UBE2E3: variants seen among roughly 807,000 people sequenced by gnomAD.
The protein encoded by UBE2E3 is ubiquitin conjugating enzyme E2 E3, also known as ubiquitin-conjugating enzyme E2 E3.
Under a neutral mutation model 23.6 loss-of-function variants are expected in UBE2E3, and 5 were observed. The ratio of observed to expected loss-of-function variants is 0.21; its 90% CI spans 0.11 to 0.44. The LOEUF is 0.44. UBE2E3 is among the 20% of genes least tolerant of loss of function. The pLI is 0.99. For synonymous variants in UBE2E3, 78 were observed against 87.5 expected, an observed-to-expected ratio of 0.89 and a Z score of 0.60; for missense variants, 81 against 249.8, an observed-to-expected ratio of 0.32 and a Z score of 4.55.
chr2:181,061,650 C>G (rs10177379), intron 5 of UBE2E3, among the ~76,000 whole-genome samples: 5,970 of 151,596 alleles, frequency 0.039, 179 homozygotes, highest in African/African-American at 0.074. Flanking sequence ...CAGATAAAAT[C>G]ATTTGTGTAT....
intron 3 of UBE2E3, among the ~76,000 whole-genome samples, chr2:181,051,238 T>G (rs902018457): frequency 3.9e-5 from 6 of 151,908 alleles, no homozygotes; most frequent in African/African-American, 1.2e-4. Context: ...CTCAGCATTA[T>G]TTTTGAGAGC....
chr2:180,997,626 C>G (rs909829834), intron 3 of UBE2E3, among the ~76,000 whole-genome samples: 2 of 152,118 alleles, frequency 1.3e-5, no homozygotes, highest in African/African-American at 4.8e-5. Context: ...TAGTGGTTGT[C>G]TATCAAAAGT....
At chr2:181,047,612 G>A (rs1205617310) in intron 3 of UBE2E3, among the ~76,000 whole-genome samples, 2 of 151,904 alleles carry the variant, frequency 1.3e-5, no homozygotes, top group African/African-American at 2.4e-5. Flanking sequence ...ATTTCAAAAC[G>A]TAAGTCTGGT....
At chr2:181,015,552 C>A (rs1176060919) in intron 3 of UBE2E3, among the ~76,000 whole-genome samples, 1 of 152,016 alleles carries the variant, frequency 6.6e-6, no homozygotes, top group African/African-American at 2.4e-5. Context: ...TATTAAAAGA[C>A]AGTGTCAGAA....
intron 4 of UBE2E3, among the ~76,000 whole-genome samples, chr2:181,058,268 A>G (rs1490157647): frequency 2.0e-5 from 3 of 151,812 alleles, no homozygotes; most frequent in East Asian, 1.9e-4. Context: ...CAAAAACTTC[A>G]TAGCCAAGAA....
chr2:181,044,739 C>G (rs1196593626), intron 3 of UBE2E3, among the ~76,000 whole-genome samples: 1 of 151,826 alleles, frequency 6.6e-6, no homozygotes, highest in Non-Finnish European at 1.5e-5. Flanking sequence ...TCCTAAAGTC[C>G]CTGTGAATGG....
chr2:181,015,380 G>T (rs1319712312), intron 3 of UBE2E3, among the ~76,000 whole-genome samples: 1 of 151,940 alleles, frequency 6.6e-6, no homozygotes, highest in Non-Finnish European at 1.5e-5. Flanking sequence ...AATACATCTA[G>T]AACATTTTGT....
chr2:181,017,963 T>C (rs1685548123), intron 3 of UBE2E3, among the ~76,000 whole-genome samples: 2 of 151,688 alleles, frequency 1.3e-5, no homozygotes, highest in Non-Finnish European at 2.9e-5. Context: ...GACTCTCTTT[T>C]TTCTGTATTT....
At chr2:181,012,447 G>A (rs1685359767) in intron 3 of UBE2E3, among the ~76,000 whole-genome samples, 1 of 152,164 alleles carries the variant, frequency 6.6e-6, no homozygotes, top group Admixed American at 6.5e-5. Flanking sequence ...CAAGGGATGT[G>A]TGTGGCTAGG....
intron 3 of UBE2E3, among the ~76,000 whole-genome samples, chr2:181,012,701 C>T (rs1232197078): frequency 6.6e-6 from 1 of 152,008 alleles, no homozygotes; most frequent in Non-Finnish European, 1.5e-5. Context: ...TACCCATATC[C>T]CTAGTTGTTA....
At chr2:181,036,426 G>GA (rs1202758387) in intron 3 of UBE2E3, among the ~76,000 whole-genome samples, 1 of 152,224 alleles carries the variant, frequency 6.6e-6, no homozygotes, top group South Asian at 2.1e-4. Flanking sequence ...CGTTCATGAG[G>GA]AAAAAACCTG....
chr2:181,016,365 C>T (rs1283613719), intron 3 of UBE2E3, among the ~76,000 whole-genome samples: 1 of 152,028 alleles, frequency 6.6e-6, no homozygotes, highest in Non-Finnish European at 1.5e-5. Context: ...CAGGCATGAG[C>T]CACCATGCTT....
intron 3 of UBE2E3, among the ~76,000 whole-genome samples, chr2:181,041,194 G>A (rs1686485198): frequency 7.9e-6 from 1 of 127,148 alleles, no homozygotes. Flanking sequence ...GCTGCAGTGA[G>A]CCGAGATCAT....
chr2:180,991,346 G>T (rs567628577), intron 3 of UBE2E3, among the ~76,000 whole-genome samples: 46 of 152,212 alleles, frequency 3.0e-4, no homozygotes, highest in East Asian at 1.5e-3. Context: ...TTACATAAGG[G>T]TTACAAATTA....
At chr2:181,029,836 TC>T (rs1686019496) in intron 3 of UBE2E3, among the ~76,000 whole-genome samples, 1 of 142,728 alleles carries the variant, frequency 7.0e-6, no homozygotes, top group Non-Finnish European at 1.5e-5. Flanking sequence ...ATTAATTCGG[TC>T]CCTTTTTTTT....
At chr2:181,040,005 T>G (rs1686433988) in intron 3 of UBE2E3, among the ~76,000 whole-genome samples, 1 of 152,210 alleles carries the variant, frequency 6.6e-6, no homozygotes, top group Admixed American at 6.5e-5. Flanking sequence ...GTTGAATCTG[T>G]GTATGTAGAA....
chr2:180,980,426 T>C (rs1684226327), upstream of UBE2E3: 1 of 151,054 alleles, frequency 6.6e-6, no homozygotes, highest in South Asian at 2.1e-4. The surrounding 1 kb of genome is among the most constrained non-coding windows in gnomAD (Gnocchi z 5.5). Context: ...CTCTTTGTCC[T>C]GGCCGCGCGC....
intron 3 of UBE2E3, among the ~76,000 whole-genome samples, chr2:181,030,587 TTA>T (rs1322934500): frequency 1.3e-5 from 2 of 152,092 alleles, no homozygotes; most frequent in Non-Finnish European, 2.9e-5. Flanking sequence ...AGAAAAAAAA[TTA>T]TTTTTTTATT....
In UBE2E3 at chr2:181,057,937, GGATT is replaced by G. The variant is rs895641605; in HGVS notation, c.378+116_378+119del. 2.3e-5 allele frequency: 26 copies of G among 1,112,310 alleles called. No individual in the cohort carries two copies. In the African/African-American group the frequency reaches 2.4e-4, roughly 10 times the overall value. The allele number at this position is 1,112,310 out of a possible 1,614,324, so 68.9% of individuals were successfully genotyped here. ...TTATTTTGATTTCATTGCTTTTCATGGATTGATATGGAAATTTTCGCATAATCAA... is the reference window on the plus strand; with the variant it reads ...TTATTTTGATTTCATTGCTTTTCATGGATATGGAAATTTTCGCATAATCAA... On this transcript the variant is annotated intron_variant, in intron 4 of 5. Coordinates refer to ENST00000410062, the MANE Select transcript of UBE2E3 (RefSeq NM_006357.4).
Sources: allele counts gnomAD v4.1 joint callset (sites outside exome capture counted in the v4.1 genomes callset), GRCh38; gene constraint gnomAD v4.1.1; non-coding constraint Gnocchi (gnomAD v3.1); transcripts MANE v1.5; gene names NCBI Gene and HGNC (gene_info 2026-07-23, HGNC 2026-07-21).